GSE1: variants seen among roughly 807,000 people sequenced by gnomAD.
GSE1 encodes genetic suppressor element 1.
Under a neutral mutation model 112.6 loss-of-function variants are expected in GSE1, and 32 were observed. The observed-to-expected ratio is 0.28, with a 90% CI of 0.21 to 0.38. The LOEUF (loss-of-function observed/expected upper bound fraction) is 0.38, where lower values mean the gene tolerates loss of function less well. Ranked by LOEUF, GSE1 falls within the 10% of genes least tolerant of loss-of-function variation. The pLI is 1.00. For missense variants in GSE1, 2,348 were observed against 1,699.2 expected, an observed-to-expected ratio of 1.38 and a Z score of -6.71; for synonymous variants, 1,115 against 735.6, an observed-to-expected ratio of 1.52 and a Z score of -8.35.
intron 2 of GSE1, among the ~76,000 whole-genome samples, chr16:85,528,200 GA>G (rs1426351551): frequency 2.6e-5 from 4 of 152,234 alleles, no homozygotes; most frequent in African/African-American, 9.6e-5. Flanking sequence ...TGAGGGCCTC[GA>G]ACAAACAGAT....
chr16:85,656,101 C>T (rs1403911152), intron 6 of GSE1, among the ~76,000 whole-genome samples, 184 bp downstream of exon 6: 3 of 152,118 alleles, frequency 2.0e-5, no homozygotes, highest in Non-Finnish European at 2.9e-5. Flanking sequence ...GTCTCGGTAG[C>T]CGTGGTCTCC....
intron 1 of GSE1, among the ~76,000 whole-genome samples, chr16:85,309,529 A>G (rs1289816514): frequency 2.9e-5 from 4 of 139,256 alleles, no homozygotes; most frequent in Non-Finnish European, 6.6e-5. Flanking sequence ...AATAAGAAGA[A>G]CCGGGTGAGA....
intron 2 of GSE1, among the ~76,000 whole-genome samples, chr16:85,361,948 G>A (rs945965712): frequency 6.6e-6 from 1 of 152,232 alleles, no homozygotes; most frequent in Non-Finnish European, 1.5e-5. Flanking sequence ...GGCCACTCCC[G>A]GGCAAAGGCT....
chr16:85,391,886 C>G (rs909200423), intron 2 of GSE1, among the ~76,000 whole-genome samples: 1 of 152,140 alleles, frequency 6.6e-6, no homozygotes, highest in African/African-American at 2.4e-5. Context: ...GAACGTGTTC[C>G]CGGGCTGCCC....
At chr16:85,489,781 G>A (rs766442884) in intron 2 of GSE1, 1 of 152,300 alleles carries the variant, frequency 6.6e-6, no homozygotes, top group Admixed American at 6.5e-5. Flanking sequence ...GGTTTTTGCA[G>A]ATGTCATCGA....
intron 2 of GSE1, among the ~76,000 whole-genome samples, chr16:85,479,091 G>A (rs1310156476): frequency 1.4e-5 from 2 of 138,978 alleles, no homozygotes; most frequent in East Asian, 2.3e-4. Flanking sequence ...GCACGATCTC[G>A]GCTCATTGCA....
chr16:85,241,666 T>G lies in GSE1; in HGVS notation c.2283+69859T>G, dbSNP rs565727924. 2.6e-5 allele frequency among the ~76,000 whole-genome samples: 4 copies of G among 152,234 alleles called. No individual in the cohort carries two copies. The South Asian group carries it at 6.2e-4, about 24-fold the overall frequency. ...TAAGCCACCGAACAGGGATTCAAAC[T>G]CAGGTCTGCATGACTCTGAAACCCT... On this transcript the variant is annotated intron_variant, in intron 1 of 2. Transcript: ENST00000637419.
intron 1 of GSE1, among the ~76,000 whole-genome samples, chr16:85,181,836 A>G (rs76071780): frequency 0.04 from 6,064 of 152,292 alleles, 204 homozygotes; most frequent in Non-Finnish European, 0.055. Context: ...AGCTGAGGGT[A>G]GGTTGAGGCC....
At chr16:85,416,006 G>A (rs779342356) in intron 2 of GSE1, among the ~76,000 whole-genome samples, 6 of 152,120 alleles carry the variant, frequency 3.9e-5, no homozygotes, top group Admixed American at 6.5e-5. Context: ...TCACCATCGC[G>A]GCACTGTGGG....
intron 1 of GSE1, among the ~76,000 whole-genome samples, chr16:85,291,049 A>T (rs2151439760): frequency 6.6e-6 from 1 of 152,388 alleles, no homozygotes; most frequent in South Asian, 2.1e-4. Context: ...TGATTCAGGC[A>T]GACACTGTCC....
chr16:85,367,285 G>A (rs1463348263), intron 2 of GSE1, among the ~76,000 whole-genome samples: 3 of 152,218 alleles, frequency 2.0e-5, no homozygotes, highest in African/African-American at 7.2e-5. Flanking sequence ...ATCTGACCGA[G>A]CTCTGATTGT....
rs150677485 is a variant in GSE1, at chr16:85,625,263, G to T, written c.8-8651G>T. On this transcript the variant is annotated intron_variant, in intron 1 of 15. Coordinates refer to ENST00000253458, the MANE Select transcript of GSE1 (RefSeq NM_014615.5). ...CACACAGCAGCCGCTTAGGATAATC[G>T]CGTCAAATGTTGCTGCCATCTGTTG... 1.3e-4 allele frequency among the ~76,000 whole-genome samples: 20 copies of T among 152,280 alleles called. No homozygotes were observed. The East Asian group carries it at 2.7e-3, about 21-fold the overall frequency.
At chr16:85,187,998 C>G (rs560967448) in intron 1 of GSE1, among the ~76,000 whole-genome samples, 1 of 152,366 alleles carries the variant, frequency 6.6e-6, no homozygotes, top group South Asian at 2.1e-4. Flanking sequence ...TGCTCCCAGA[C>G]TCCTGGCACG....
At chr16:85,629,833 T>C (rs1270184358) in intron 1 of GSE1, among the ~76,000 whole-genome samples, 1 of 152,152 alleles carries the variant, frequency 6.6e-6, no homozygotes, top group Non-Finnish European at 1.5e-5. Context: ...GCGGCCTGGA[T>C]TAATAGAGGG....
chr16:85,430,131 A>T (rs761746546), intron 2 of GSE1, among the ~76,000 whole-genome samples: 1 of 152,180 alleles, frequency 6.6e-6, no homozygotes, highest in Non-Finnish European at 1.5e-5. Flanking sequence ...GCACTTTTTG[A>T]GCACTTACAA....
intron 1 of GSE1, among the ~76,000 whole-genome samples, chr16:85,598,167 GTTTT>G (rs973836177): frequency 3.5e-3 from 251 of 71,556 alleles, no homozygotes; most frequent in African/African-American, 0.013. Context: ...AGGTTTGGTT[GTTTT>G]TTTTTTTTTT....
chr16:85,174,056 C>T (rs1020331791), intron 1 of GSE1, among the ~76,000 whole-genome samples: 1 of 152,188 alleles, frequency 6.6e-6, no homozygotes, highest in African/African-American at 2.4e-5. Flanking sequence ...ACGCCCTCTT[C>T]CACCAGCTGC....
intron 2 of GSE1, among the ~76,000 whole-genome samples, chr16:85,379,172 C>T (rs1231180172): frequency 6.6e-6 from 1 of 152,178 alleles, no homozygotes; most frequent in African/African-American, 2.4e-5. Context: ...GATGGCTGCC[C>T]CTCCCTGGGC....
chr16:85,170,048 A>C (rs936213617), exon 1 of GSE1: 117 of 984,502 alleles, frequency 1.2e-4, no homozygotes, highest in Non-Finnish European at 1.4e-4. Context: ...GACCTGTCGG[A>C]GCTGTCGGAC....
Sources: gnomAD v4.1 joint callset for allele counts (sites outside exome capture counted in the v4.1 genomes callset) on GRCh38, gnomAD v4.1.1 for gene constraint, MANE v1.5 for transcripts, NCBI Gene and HGNC (gene_info 2026-07-23, HGNC 2026-07-21) for gene names.